The following TLN2 variants were observed in gnomAD, a reference collection of about 807,000 sequenced individuals.
The protein encoded by TLN2 is talin-2.
Under a neutral mutation model 294.7 loss-of-function variants are expected in TLN2, and 118 were observed. That is an observed-to-expected ratio of 0.40 (90% CI 0.34 to 0.47). TLN2 has a LOEUF of 0.47. Among genes scored for constraint, TLN2 ranks in the 20% least tolerant of loss-of-function variants. The probability of loss-of-function intolerance (pLI) is 0.84; values close to 1 mark genes in which losing one functional copy is unlikely to be tolerated. For missense variants in TLN2, 3,083 were observed against 3,282.2 expected (o/e 0.94, Z 1.48); for synonymous variants, 1,431 against 1,304.5 (o/e 1.10, Z -2.09).
At chr15:62,655,016 A>G (rs2053047330) in intron 7 of TLN2, among the ~76,000 whole-genome samples, 1 of 149,748 alleles carries the variant, frequency 6.7e-6, no homozygotes. Flanking sequence ...CATTATTGCC[A>G]TTGTGTTTAT....
At chr15:62,406,317 T>C (rs2033402005) in intron 1 of TLN2, among the ~76,000 whole-genome samples, 1 of 152,204 alleles carries the variant, frequency 6.6e-6, no homozygotes, top group Non-Finnish European at 1.5e-5. Context: ...GTCCCTCTGA[T>C]GCAGGGCAGA....
chr15:62,787,328 C>A (rs2064746304), intron 45 of TLN2, among the ~76,000 whole-genome samples: 1 of 152,128 alleles, frequency 6.6e-6, no homozygotes, highest in African/African-American at 2.4e-5. Flanking sequence ...TTGGGAAAAA[C>A]CAGTGTGTTT....
intron 12 of TLN2, 127 bp downstream of exon 12, chr15:62,686,923 A>G (rs2057335886): frequency 7.8e-7 from 1 of 1,284,744 alleles, no homozygotes; most frequent in African/African-American, 1.5e-5. Flanking sequence ...GGAGTGAGGA[A>G]GATGGTGCAA....
At chr15:62,588,665 C>CATATATATATATATATAT (rs3055752) in intron 1 of TLN2, among the ~76,000 whole-genome samples, 1 of 71,450 alleles carries the variant, frequency 1.4e-5, no homozygotes, top group African/African-American at 4.8e-5. Context: ...ACATTTTTTT[C>CATATATATATATATATAT]ATATATATAT....
chr15:62,752,481 G>A, intron 35 of TLN2, 54 bp downstream of exon 35: 1 of 1,588,796 alleles, frequency 6.3e-7, no homozygotes, highest in South Asian at 1.1e-5. Context: ...CCCTGTGGGA[G>A]GTGTGGGGGA....
At chr15:62,653,348 C>A in intron 7 of TLN2, 34 bp downstream of exon 7, 2 of 1,585,568 alleles carry the variant, frequency 1.3e-6, no homozygotes, top group Non-Finnish European at 1.7e-6. Flanking sequence ...GATACAGACA[C>A]ACAGGCTTTG....
intron 1 of TLN2, among the ~76,000 whole-genome samples, chr15:62,433,410 C>A (rs1193494294): frequency 6.6e-6 from 1 of 152,134 alleles, no homozygotes; most frequent in Admixed American, 6.5e-5. Context: ...CTGCTGAGAA[C>A]CAGAGGACAA....
intron 32 of TLN2, among the ~76,000 whole-genome samples, chr15:62,743,125 T>A (rs2061430409): frequency 6.6e-6 from 1 of 152,156 alleles, no homozygotes; most frequent in Non-Finnish European, 1.5e-5. Context: ...GCTCATTTCA[T>A]CTGGGCCTAG....
chr15:62,705,497 AT>A (rs746278092), intron 19 of TLN2, among the ~76,000 whole-genome samples: 1 of 152,110 alleles, frequency 6.6e-6, no homozygotes, highest in Non-Finnish European at 1.5e-5. Flanking sequence ...TTCTGACTGT[AT>A]TTTTTTGGAC....
In TLN2 at chr15:62,844,462, A is replaced by T. The variant is rs1192495829; in HGVS notation, c.*3852A>T. ...TTTGTCTGCATCTCTTCATCCCACA[A>T]AACACGAGGCTGGGTCTCATTCAGC... On this transcript the variant is annotated 3_prime_UTR_variant, in exon 59 of 59. Transcript: ENST00000636159. 1 of 152,132 alleles carries T rather than the reference A, an allele frequency of 6.6e-6. No individual in the cohort carries two copies. The highest frequency in any genetic ancestry group is 1.5e-5 in the Non-Finnish European group (1 of 68,070). The allele number at this position is 152,132 out of a possible 1,614,324, so 9.4% of individuals were successfully genotyped here.
rs189206752 is a variant in TLN2 at position 62,414,973 on chromosome 15, G to C, written c.-238+24288G>C. Among the ~76,000 whole-genome samples the C allele has an allele frequency of 7.3e-4, 103 of 141,104 alleles. 6 individuals are homozygous for C. Among genetic ancestry groups the C allele is most frequent in the African/African-American group, 2.4e-3 (95 of 39,558 alleles). The allele number at this position is 141,104 out of a possible 152,430, so 92.6% of individuals were successfully genotyped here. A position where few individuals can be genotyped will look rare whatever the true frequency, so the allele number is the denominator to read the frequency against. On this transcript the variant is annotated intron_variant, in intron 1 of 58. Transcript: ENST00000636159. ...GCTGCCCAGGCTGGAGTGCAATGGC[G>C]TGATCTCGGCTCCCTGCAACCTGTG... is the stretch of plus-strand genomic sequence containing the variant.
At chr15:62,510,996 A>G (rs1486492145) in intron 1 of TLN2, among the ~76,000 whole-genome samples, 1 of 152,220 alleles carries the variant, frequency 6.6e-6, no homozygotes, top group Non-Finnish European at 1.5e-5. Flanking sequence ...ACGTCTTACA[A>G]TATTAGTGGC....
chr15:62,482,602 C>CA (rs781297837), intron 1 of TLN2, among the ~76,000 whole-genome samples: 9,738 of 75,092 alleles, frequency 0.13, 573 homozygotes, highest in Non-Finnish European at 0.15. Flanking sequence ...AACGTTGTCT[C>CA]AAAAAAAAAA....
chr15:62,476,386 A>G (rs900815137), intron 1 of TLN2: 2 of 152,294 alleles, frequency 1.3e-5, no homozygotes, highest in African/African-American at 2.4e-5. Context: ...TCGGCTGCCC[A>G]GAAGTTTCTG....
intron 38 of TLN2, 80 bp from the exon 39 acceptor site, chr15:62,762,192 A>G (rs1164627148): frequency 6.6e-7 from 1 of 1,513,268 alleles, no homozygotes; most frequent in East Asian, 2.3e-5. Flanking sequence ...TGATTTGGCA[A>G]AGAACAGGAC....
At chr15:62,542,578 T>G (rs555154660) in intron 1 of TLN2, among the ~76,000 whole-genome samples, 1 of 152,208 alleles carries the variant, frequency 6.6e-6, no homozygotes, top group East Asian at 1.9e-4. Context: ...ATCCTTTTGG[T>G]TGCAAGTAAA....
intron 1 of TLN2, among the ~76,000 whole-genome samples, chr15:62,445,793 A>G (rs1468862269): frequency 6.6e-6 from 1 of 151,908 alleles, no homozygotes; most frequent in African/African-American, 2.4e-5. Flanking sequence ...CCTCCCAAGT[A>G]TCTGGAACTA....
intron 1 of TLN2, among the ~76,000 whole-genome samples, chr15:62,477,342 C>G (rs1306231634): frequency 6.6e-6 from 1 of 152,196 alleles, no homozygotes; most frequent in Admixed American, 6.5e-5. Context: ...GAAAATAAGA[C>G]TTGTCCTGGA....
chr15:62,675,391 G>C (rs1051602020), intron 11 of TLN2, 70 bp downstream of exon 11: 57 of 1,506,740 alleles, frequency 3.8e-5, no homozygotes, highest in Non-Finnish European at 5.0e-5. Flanking sequence ...AGCGTTTGCT[G>C]TTAAGCCTGG....
Sources: allele counts gnomAD v4.1 joint callset (sites outside exome capture counted in the v4.1 genomes callset), GRCh38; gene constraint gnomAD v4.1.1; transcripts MANE v1.5; gene names NCBI Gene and HGNC (gene_info 2026-07-23, HGNC 2026-07-21).